UNC93A: variants seen among roughly 807,000 people sequenced by gnomAD.
UNC93A encodes unc-93 homolog A, also known as N-acetylglucosamine transporter UNC93A.
In UNC93A, 43 loss-of-function variants were observed where a neutral mutation model predicts 47.5. The ratio of observed to expected loss-of-function variants is 0.91; its 90% CI spans 0.71 to 1.17. The LOEUF is 1.17. UNC93A is among the 50% of genes most tolerant of loss of function. The pLI is 0.00. For missense variants in UNC93A, 605 were observed against 577.6 expected, an observed-to-expected ratio of 1.05 and a Z score of -0.49; for synonymous variants, 280 against 258.0, an observed-to-expected ratio of 1.09 and a Z score of -0.82.
At chr6:167,271,018 A>G (rs986728863), upstream of UNC93A, among the ~76,000 whole-genome samples, 3 of 152,198 alleles carry the variant, frequency 2.0e-5, no homozygotes, top group Non-Finnish European at 2.9e-5. Flanking sequence ...CTGGATGGGA[A>G]GGATTGTGCC....
At chr6:167,285,798 T>A (rs533358614) in intron 1 of UNC93A, among the ~76,000 whole-genome samples, 1 of 151,748 alleles carries the variant, frequency 6.6e-6, no homozygotes, top group African/African-American at 2.4e-5. Context: ...AAAGTGTAGT[T>A]TTCTTTAAAA....
chr6:167,287,734 T>A (rs1055486230), upstream of UNC93A, among the ~76,000 whole-genome samples: 5 of 150,600 alleles, frequency 3.3e-5, no homozygotes, highest in Non-Finnish European at 5.9e-5. Flanking sequence ...TGCATGCGTG[T>A]GTGCATGCGT....
At chr6:167,304,381 G>A (rs1410671985) in intron 5 of UNC93A, among the ~76,000 whole-genome samples, 2 of 152,200 alleles carry the variant, frequency 1.3e-5, no homozygotes, top group African/African-American at 4.8e-5. Flanking sequence ...TGCTTGATCC[G>A]TGTCTTCCTG....
At chr6:167,274,910 G>T (rs1278225700) in intron 1 of UNC93A, among the ~76,000 whole-genome samples, 1 of 152,174 alleles carries the variant, frequency 6.6e-6, no homozygotes, top group Admixed American at 6.5e-5. Flanking sequence ...CTCATTCCTT[G>T]ACCTTCTTCC....
chr6:167,286,977 C>CA (rs548370859), upstream of UNC93A, among the ~76,000 whole-genome samples: 2,859 of 109,672 alleles, frequency 0.026, 109 homozygotes, highest in Admixed American at 0.08. Flanking sequence ...GACTCTGTCT[C>CA]AAAAAAAAAA....
intron 7 of UNC93A, among the ~76,000 whole-genome samples, chr6:167,309,380 G>T (rs144246043): frequency 1.3e-5 from 2 of 152,096 alleles, no homozygotes; most frequent in African/African-American, 4.8e-5. Context: ...TGAGGACTTA[G>T]GGTAGGAACC....
rs148741608 is a variant in UNC93A at position 167,285,493 on chromosome 6, C to T, written c.-51-5946C>T. Among the ~76,000 whole-genome samples the T allele has an allele frequency of 7.6e-4, 115 of 151,866 alleles. 4 individuals are homozygous for T. The highest frequency in any genetic ancestry group is 1.2e-3 in the Non-Finnish European group (84 of 67,958). On this transcript the variant is annotated intron_variant, in intron 1 of 3. Transcript: ENST00000503433. ...ATGAGCCGGGACTCACACTGCAGTGCCCACATGTGCCTCGATGGTGGCCTG... is the reference window on the plus strand; with the variant it reads ...ATGAGCCGGGACTCACACTGCAGTGTCCACATGTGCCTCGATGGTGGCCTG...
intron 3 of UNC93A, among the ~76,000 whole-genome samples, chr6:167,296,610 G>A (rs573492132): frequency 6.6e-6 from 1 of 152,320 alleles, no homozygotes; most frequent in African/African-American, 2.4e-5. Flanking sequence ...GACTAAGGAT[G>A]GGGTTGCCTG....
rs73790181 is a variant in UNC93A at position 167,285,680 on chromosome 6, T to C, written c.-51-5759T>C. Among the ~76,000 whole-genome samples, 1,255 of 151,628 alleles carry C rather than the reference T, an allele frequency of 8.3e-3. 28 individuals carry two copies. The highest frequency in any genetic ancestry group is 0.029 in the African/African-American group (1,214 of 41,468). On this transcript the variant is annotated intron_variant, in intron 1 of 3. Coordinates refer to the UNC93A transcript ENST00000503433. Reference sequence around the variant, plus strand: ...TTATAACCCACTGGGGTGGGGGTTCTGGAGGGCGGCCCTGGGCAGCAGCTC... The same window carrying C: ...TTATAACCCACTGGGGTGGGGGTTCCGGAGGGCGGCCCTGGGCAGCAGCTC...
upstream of UNC93A, among the ~76,000 whole-genome samples, chr6:167,269,078 A>G (rs991515872): frequency 2.0e-5 from 3 of 152,206 alleles, no homozygotes; most frequent in East Asian, 1.9e-4. Context: ...AGGGGCCCCA[A>G]TGTGTGACTG....
At chr6:167,285,426 C>T (rs1181733578) in intron 1 of UNC93A, among the ~76,000 whole-genome samples, 1 of 151,832 alleles carries the variant, frequency 6.6e-6, no homozygotes, top group Non-Finnish European at 1.5e-5. Context: ...AAAGGAGTTG[C>T]CAGCCAGGAG....
chr6:167,307,975 G>C (rs1463440330), intron 7 of UNC93A, 65 bp downstream of exon 7: 1 of 1,592,052 alleles, frequency 6.3e-7, no homozygotes, highest in Non-Finnish European at 8.5e-7. Flanking sequence ...CAAGGCAACT[G>C]TGGGGCTCAT....
At chr6:167,272,423 T>A (rs451841) in intron 1 of UNC93A, among the ~76,000 whole-genome samples, 12,149 of 152,294 alleles carry the variant, frequency 0.08, 1,033 homozygotes, top group African/African-American at 0.21. Flanking sequence ...AGGGGCCTGT[T>A]GACGAAGAGC....
intron 1 of UNC93A, among the ~76,000 whole-genome samples, chr6:167,281,323 C>T (rs1322932404): frequency 6.6e-6 from 1 of 152,120 alleles, no homozygotes; most frequent in Non-Finnish European, 1.5e-5. Flanking sequence ...TTAGCCATTC[C>T]TCTTACTCCC....
At chr6:167,312,141 GGTTT>G (rs1238103369) in intron 7 of UNC93A, among the ~76,000 whole-genome samples, 3 of 152,044 alleles carry the variant, frequency 2.0e-5, no homozygotes, top group African/African-American at 7.2e-5. Flanking sequence ...CCTTAATTTT[GGTTT>G]GTTTGCTGTT....
upstream of UNC93A, among the ~76,000 whole-genome samples, chr6:167,288,624 T>G (rs1363760891): frequency 6.6e-6 from 1 of 152,180 alleles, no homozygotes; most frequent in Non-Finnish European, 1.5e-5. Flanking sequence ...TGGTATTGCT[T>G]TTATTAACAA....
At chr6:167,310,421 A>G (rs781518291) in intron 7 of UNC93A, among the ~76,000 whole-genome samples, 4 of 152,302 alleles carry the variant, frequency 2.6e-5, no homozygotes, top group Non-Finnish European at 5.9e-5. Flanking sequence ...CTCTCAGGGA[A>G]AGCCTTGTTG....
chr6:167,276,776 T>A (rs1267853882), intron 1 of UNC93A, among the ~76,000 whole-genome samples: 1 of 152,180 alleles, frequency 6.6e-6, no homozygotes, highest in Non-Finnish European at 1.5e-5. Flanking sequence ...AAAAAATGTA[T>A]TTATGGGTAG....
chr6:167,307,979 G>C, intron 7 of UNC93A, 69 bp downstream of exon 7: 4 of 1,586,532 alleles, frequency 2.5e-6, no homozygotes, highest in Non-Finnish European at 3.4e-6. Context: ...GCAACTGTGG[G>C]GCTCATTAGA....
Sources: gnomAD v4.1 joint callset for allele counts (sites outside exome capture counted in the v4.1 genomes callset) on GRCh38, gnomAD v4.1.1 for gene constraint, MANE v1.5 for transcripts, NCBI Gene and HGNC (gene_info 2026-07-23, HGNC 2026-07-21) for gene names.